Variants in HSD17B12 observed in about 807,000 individuals in gnomAD.
HSD17B12 encodes very-long-chain 3-oxoacyl-CoA reductase.
In HSD17B12, 32 loss-of-function variants were observed where a neutral mutation model predicts 39.3. The ratio of observed to expected loss-of-function variants is 0.81; its 90% confidence interval spans 0.61 to 1.09. The LOEUF is 1.09. HSD17B12 is among the 50% of genes least tolerant of loss of function. The pLI is 0.00. For missense variants in HSD17B12, 342 were observed against 382.9 expected, an observed-to-expected ratio of 0.89 and a Z score of 0.89; for synonymous variants, 150 against 146.7, an observed-to-expected ratio of 1.02 and a Z score of -0.16.
At chr11:43,652,830 C>T in the HSD17B12 span, among the ~76,000 whole-genome samples, 4 of 151,848 alleles carry the variant, frequency 2.6e-5, no homozygotes, top group Non-Finnish European at 4.4e-5. Context: ...ATGGAGACTT[C>T]GTTGGTTAGG....
At chr11:43,793,818 A>G (rs1256852410) in intron 3 of HSD17B12, among the ~76,000 whole-genome samples, 1 of 152,198 alleles carries the variant, frequency 6.6e-6, no homozygotes, top group African/African-American at 2.4e-5. Context: ...CTTGCAGGTG[A>G]TGGAATGGCT....
At chr11:43,743,046 C>T (rs1950383364) in intron 1 of HSD17B12, among the ~76,000 whole-genome samples, 2 of 152,026 alleles carry the variant, frequency 1.3e-5, no homozygotes, top group Non-Finnish European at 1.5e-5. Flanking sequence ...ATTGTATTCT[C>T]GATAGTCATA....
At chr11:43,783,162 TG>T (rs1264123376) in intron 3 of HSD17B12, among the ~76,000 whole-genome samples, 2 of 152,228 alleles carry the variant, frequency 1.3e-5, no homozygotes, top group African/African-American at 4.8e-5. Context: ...GATTCTGACT[TG>T]GATCCTTTTG....
At chr11:43,671,865 A>G in the HSD17B12 span, among the ~76,000 whole-genome samples, 1 of 152,216 alleles carries the variant, frequency 6.6e-6, no homozygotes, top group Non-Finnish European at 1.5e-5. Flanking sequence ...TTCATTTCAT[A>G]TAATTCCGTG....
chr11:43,681,711 A>G (rs551916040), intron 1 of HSD17B12, among the ~76,000 whole-genome samples: 1 of 151,552 alleles, frequency 6.6e-6, no homozygotes, highest in South Asian at 2.1e-4. Flanking sequence ...AGGAAAAAGT[A>G]TACCCGTAAA....
At chr11:43,754,998 G>C in intron 3 of HSD17B12, 1 of 622,550 alleles carries the variant, frequency 1.6e-6, no homozygotes, top group Non-Finnish European at 2.9e-6. Context: ...GATGTCCCCA[G>C]TTTGCTGACC....
At chr11:43,773,789 T>C (rs956374050) in intron 3 of HSD17B12, among the ~76,000 whole-genome samples, 1 of 152,230 alleles carries the variant, frequency 6.6e-6, no homozygotes, top group Non-Finnish European at 1.5e-5. Context: ...ATATACCACC[T>C]ACAAAATGTT....
intron 3 of HSD17B12, among the ~76,000 whole-genome samples, chr11:43,762,902 C>T (rs1341217796): frequency 6.6e-6 from 1 of 152,136 alleles, no homozygotes; most frequent in African/African-American, 2.4e-5. Flanking sequence ...TTATTAATTA[C>T]ACCTTGCCTA....
At chr11:43,755,241 T>G (rs1413925359) in intron 3 of HSD17B12, 1 of 179,710 alleles carries the variant, frequency 5.6e-6, no homozygotes, top group African/African-American at 2.3e-5. Context: ...TTTGAAAAAT[T>G]GGCCGTCAAA....
intron 6 of HSD17B12, among the ~76,000 whole-genome samples, chr11:43,818,702 T>A (rs1162197998): frequency 6.6e-6 from 1 of 152,166 alleles, no homozygotes; most frequent in Non-Finnish European, 1.5e-5. Flanking sequence ...TAATTATAAG[T>A]GGACCTGTGA....
intron 1 of HSD17B12, among the ~76,000 whole-genome samples, chr11:43,699,431 A>G (rs569014019): frequency 6.6e-6 from 1 of 152,264 alleles, no homozygotes; most frequent in African/African-American, 2.4e-5. Flanking sequence ...TACCTTTTAG[A>G]TATCTGTAGC....
intron 1 of HSD17B12, among the ~76,000 whole-genome samples, chr11:43,732,830 T>C (rs181790643): frequency 1.4e-3 from 208 of 152,230 alleles, no homozygotes; most frequent in African/African-American, 4.6e-3. Flanking sequence ...TGAAGTGCAA[T>C]GACATGATCA....
the HSD17B12 span, among the ~76,000 whole-genome samples, chr11:43,652,308 G>A: frequency 5.3e-5 from 8 of 152,172 alleles, no homozygotes; most frequent in Non-Finnish European, 7.3e-5. Flanking sequence ...AACAATAGGT[G>A]TGGAAAAAGG....
chr11:43,687,622 C>T (rs1949813864), intron 1 of HSD17B12, among the ~76,000 whole-genome samples: 1 of 152,098 alleles, frequency 6.6e-6, no homozygotes, highest in Non-Finnish European at 1.5e-5. Flanking sequence ...AAGGGCAGGG[C>T]CCTCATGAAA....
chr11:43,827,875 C>G (rs1164784900), intron 6 of HSD17B12, among the ~76,000 whole-genome samples: 1 of 152,208 alleles, frequency 6.6e-6, no homozygotes, highest in East Asian at 1.9e-4. Context: ...TAGCTGTCAT[C>G]AAGACATTCA....
intron 1 of HSD17B12, among the ~76,000 whole-genome samples, chr11:43,728,153 C>A (rs1950237808): frequency 6.6e-6 from 1 of 152,016 alleles, no homozygotes; most frequent in Non-Finnish European, 1.5e-5. Flanking sequence ...GCAACCTCCG[C>A]TTCCTGGGTT....
chr11:43,766,690 T>C (rs909163391), intron 3 of HSD17B12, among the ~76,000 whole-genome samples: 1 of 152,224 alleles, frequency 6.6e-6, no homozygotes, highest in Non-Finnish European at 1.5e-5. Flanking sequence ...TTAATGGGTG[T>C]GGGCACTTAG....
At chr11:43,756,703 G>A (rs922682448) in intron 3 of HSD17B12, among the ~76,000 whole-genome samples, 5 of 152,156 alleles carry the variant, frequency 3.3e-5, no homozygotes, top group Admixed American at 2.0e-4. Flanking sequence ...CCGTCTACTC[G>A]ATACAGAAAC....
At chr11:43,565,046 C>T in the HSD17B12 span, among the ~76,000 whole-genome samples, 1 of 151,974 alleles carries the variant, frequency 6.6e-6, no homozygotes, top group Non-Finnish European at 1.5e-5. Context: ...ATTACAGGTG[C>T]CCACCACCAA....
Sources: gnomAD v4.1 joint callset for allele counts (sites outside exome capture counted in the v4.1 genomes callset) on GRCh38, gnomAD v4.1.1 for gene constraint, MANE v1.5 for transcripts, NCBI Gene and HGNC (gene_info 2026-07-23, HGNC 2026-07-21) for gene names.